PANK1: variants seen among roughly 807,000 people sequenced by gnomAD.
PANK1 encodes pantothenic acid kinase 1.
A neutral mutation model predicts 40.1 loss-of-function variants in PANK1; 18 were observed. The ratio of observed to expected loss-of-function variants is 0.45; its 90% confidence interval spans 0.31 to 0.67. The LOEUF is 0.67. PANK1 is among the 30% of genes least tolerant of loss of function. The pLI, the probability that PANK1 is intolerant of heterozygous loss-of-function variation, is 0.06. For synonymous variants in PANK1, 242 were observed against 237.7 expected (o/e 1.02, Z -0.17); for missense variants, 457 against 599.6 (o/e 0.76, Z 2.48).
chr10:89,593,097 C>A, intron 5 of PANK1, 100 bp downstream of exon 5: 1 of 1,213,872 alleles, frequency 8.2e-7, no homozygotes, highest in Non-Finnish European at 1.2e-6. Flanking sequence ...GGGAAGCTTT[C>A]CTAAGGATAT....
chr10:89,639,845 G>A (rs1192637840), intron 1 of PANK1, among the ~76,000 whole-genome samples: 1 of 152,202 alleles, frequency 6.6e-6, no homozygotes, highest in East Asian at 1.9e-4. Flanking sequence ...CTAACTTAGT[G>A]CCTAGCACAT....
chr10:89,595,141 T>C (rs541479262), intron 3 of PANK1, among the ~76,000 whole-genome samples: 1 of 152,350 alleles, frequency 6.6e-6, no homozygotes, highest in African/African-American at 2.4e-5. Flanking sequence ...AGGTACATAG[T>C]TCTTGAAGAT....
At chr10:89,598,001 G>A (rs1844662213) in intron 3 of PANK1, among the ~76,000 whole-genome samples, 1 of 152,194 alleles carries the variant, frequency 6.6e-6, no homozygotes, top group Non-Finnish European at 1.5e-5. Flanking sequence ...TAGAATGTGT[G>A]TGTGTGTTTG....
At chr10:89,621,015 G>C (rs1191143801) in intron 1 of PANK1, among the ~76,000 whole-genome samples, 1 of 152,128 alleles carries the variant, frequency 6.6e-6, no homozygotes, top group Non-Finnish European at 1.5e-5. Flanking sequence ...AAAATTCCTT[G>C]TTAAGGCCGG....
At chr10:89,594,414 A>G (rs570375732) in intron 3 of PANK1, among the ~76,000 whole-genome samples, 16 of 152,338 alleles carry the variant, frequency 1.1e-4, no homozygotes, top group African/African-American at 3.8e-4. Context: ...ATACCTAGAA[A>G]AAGAATTTGT....
intron 1 of PANK1, among the ~76,000 whole-genome samples, chr10:89,621,570 T>C (rs1347484624): frequency 2.6e-5 from 4 of 152,226 alleles, no homozygotes; most frequent in African/African-American, 4.8e-5. Flanking sequence ...AATAGGTATC[T>C]GAGCCCATTT....
chr10:89,609,518 A>G (rs905003398), intron 2 of PANK1, among the ~76,000 whole-genome samples: 1 of 152,270 alleles, frequency 6.6e-6, no homozygotes, highest in Non-Finnish European at 1.5e-5. Context: ...GATAACACCT[A>G]TTCATCCTCA....
chr10:89,644,811 C>G lies in PANK1; in HGVS notation c.81G>C (p.Val27=). The G allele has an allele frequency of 6.8e-7, 1 of 1,460,724 alleles. No homozygotes were observed. Among genetic ancestry groups the G allele is most frequent in the East Asian group, 2.8e-5 (1 of 36,020 alleles). 90.5% of individuals were successfully genotyped at this position (1,460,724 alleles called of 1,614,324 possible). Residue 27 remains valine (V), a synonymous_variant, in exon 1 of 7, where the codon GTG becomes GTC. Coordinates refer to ENST00000307534, the MANE Select transcript of PANK1 (RefSeq NM_148977.3). ...GAPVGTSAAA[V]NGLLHNGFHP... is the part of the protein sequence containing the mutation. ...GGAAGCCGTTGTGCAGCAGCCCGTT[C>G]ACAGCGGCGGCGCTGGTGCCCACGG...
intron 1 of PANK1, among the ~76,000 whole-genome samples, chr10:89,635,811 T>C (rs1330925866): frequency 1.3e-5 from 2 of 152,220 alleles, no homozygotes; most frequent in Admixed American, 1.3e-4. Flanking sequence ...AGGCAAAGGA[T>C]AGACATTCCC....
chr10:89,611,997 T>TA lies in PANK1; in HGVS notation c.343dup (p.Tyr115LeufsTer29). 6.2e-7 allele frequency: 1 copy of TA among 1,614,060 alleles called. No homozygotes were observed. Among genetic ancestry groups the TA allele is most frequent in the Non-Finnish European group, 8.5e-7 (1 of 1,180,034 alleles). ...GGCTGTAATATCCTTCGGCTCGAAA[T>TA]ACACCAATTTAACCAGCGTTCCACC... On this transcript the variant is annotated frameshift_variant, in exon 2 of 7. Transcript: ENST00000307534. LOFTEE classifies it high-confidence loss of function.
At chr10:89,581,733 C>T (rs529021033), downstream of PANK1, 1 of 152,370 alleles carries the variant, frequency 6.6e-6, no homozygotes, top group South Asian at 2.1e-4. Context: ...TCGTTTATTA[C>T]TTAACACCCC....
chr10:89,581,812 T>C (rs1422387175), downstream of PANK1: 2 of 152,216 alleles, frequency 1.3e-5, no homozygotes, highest in Admixed American at 6.5e-5. Context: ...AGAGCCCTAC[T>C]ACATGTGAGA....
rs567951971 is a variant in PANK1, at chr10:89,600,912, C to T, written c.646-1407G>A. On this transcript the variant is annotated intron_variant, in intron 2 of 6. Coordinates refer to ENST00000307534, the MANE Select transcript of PANK1 (RefSeq NM_148977.3). Reference sequence around the variant, plus strand: ...TATAATAGCAAGTATTTACTGTTTACTACATGCTAAACCCTTGTACCAGAT... The same window carrying T: ...TATAATAGCAAGTATTTACTGTTTATTACATGCTAAACCCTTGTACCAGAT... Among the ~76,000 whole-genome samples the T allele has an allele frequency of 7.2e-5, 11 of 152,292 alleles. No homozygotes were observed. In the South Asian group the frequency reaches 2.3e-3, roughly 32 times the overall value.
Position 89,620,081 on chromosome 10 carries a change from C to T in PANK1, c.293-8033G>A, listed in dbSNP as rs1046951208. Among the ~76,000 whole-genome samples, 6 of 152,246 alleles carry T rather than the reference C, an allele frequency of 3.9e-5. No homozygotes were observed. The East Asian group carries it at 1.2e-3, about 29-fold the overall frequency. ...TTATAATTTCCTATGCGTCTTTAAT[C>T]TCTTAATCTCGTCATCTTCGTAAAC... On this transcript the variant is annotated intron_variant, in intron 1 of 6. Coordinates refer to ENST00000307534, the MANE Select transcript of PANK1 (RefSeq NM_148977.3).
intron 6 of PANK1, among the ~76,000 whole-genome samples, chr10:89,585,550 G>A (rs1844173411): frequency 6.6e-6 from 1 of 152,144 alleles, no homozygotes; most frequent in Admixed American, 6.6e-5. Flanking sequence ...AATGCTAGAA[G>A]TTGTTCTAAG....
At chr10:89,618,842 A>G (rs538712982) in intron 1 of PANK1, among the ~76,000 whole-genome samples, 3 of 152,378 alleles carry the variant, frequency 2.0e-5, no homozygotes, top group African/African-American at 7.2e-5. Flanking sequence ...GTCTCAAAGT[A>G]AAGATGAATC....
At chr10:89,616,007 C>T (rs1192129724) in intron 1 of PANK1, among the ~76,000 whole-genome samples, 1 of 152,182 alleles carries the variant, frequency 6.6e-6, no homozygotes, top group Non-Finnish European at 1.5e-5. Flanking sequence ...TCTGTGTTTG[C>T]CAAGAGGAGT....
At chr10:89,641,480 C>T (rs1445631511) in intron 1 of PANK1, among the ~76,000 whole-genome samples, 1 of 152,190 alleles carries the variant, frequency 6.6e-6, no homozygotes, top group Non-Finnish European at 1.5e-5. Flanking sequence ...GAACCTCCGA[C>T]CAGAAGGCTG....
chr10:89,588,355 A>G (rs1844267519), intron 6 of PANK1, among the ~76,000 whole-genome samples: 1 of 152,212 alleles, frequency 6.6e-6, no homozygotes, highest in South Asian at 2.1e-4. Context: ...GCTGGATCAT[A>G]TGGTAATTTT....
Sources: allele counts gnomAD v4.1 joint callset (sites outside exome capture counted in the v4.1 genomes callset), GRCh38; gene constraint gnomAD v4.1.1; transcripts MANE v1.5; gene names NCBI Gene and HGNC (gene_info 2026-07-23, HGNC 2026-07-21).